Variants in KTN1 observed in about 807,000 individuals in gnomAD.
KTN1 encodes the protein kinectin.
KTN1 carries 130 observed loss-of-function variants against 222.5 expected under a neutral mutation model. That is an observed-to-expected ratio of 0.58 (90% confidence interval 0.51 to 0.68). The LOEUF (loss-of-function observed/expected upper bound fraction) is 0.68. KTN1 is among the 30% of genes least tolerant of loss of function. KTN1 has a pLI of 0.00. For missense variants in KTN1, 1,508 were observed against 1,500.4 expected (o/e 1.01, Z -0.08); for synonymous variants, 512 against 496.3 (o/e 1.03, Z -0.42).
chr14:55,675,729 CA>C (rs1468403190), intron 40 of KTN1, 105 bp from the exon 41 acceptor site: 13 of 712,552 alleles, frequency 1.8e-5, no homozygotes, highest in Non-Finnish European at 2.9e-5. Context: ...ATCCACTGTA[CA>C]TAATAACTGT....
chr14:55,673,775 A>G (rs773116767), intron 40 of KTN1: 2 of 152,196 alleles, frequency 1.3e-5, no homozygotes, highest in Admixed American at 6.6e-5. Flanking sequence ...TTATCAACAT[A>G]TTATTTAGAG....
chr14:55,608,686 C>T (rs140366689), intron 1 of KTN1, among the ~76,000 whole-genome samples: 126 of 149,994 alleles, frequency 8.4e-4, no homozygotes, highest in African/African-American at 2.6e-3. Flanking sequence ...TGCAGTGGCG[C>T]GATCTCAGCT....
In KTN1 at chr14:55,629,961, T is replaced by C. The variant is rs748705337; in HGVS notation, c.1085T>C (p.Met362Thr). 1.9e-6 allele frequency: 3 copies of C among 1,585,444 alleles called. No individual in the cohort carries two copies. The highest frequency in any genetic ancestry group is 2.6e-6 in the Non-Finnish European group (3 of 1,156,520). ...KDRCKQLTQE[M>T]MTEKERSNVV... ...ATTTCTGGGATATTCTTTTAGGAAA[T>C]GATGACAGAGAAAGAAAGAAGCAAT... Residue 362 changes from methionine to threonine, a missense_variant, in exon 7 of 44, where the codon ATG (methionine) becomes ACG (threonine). Physicochemically the swap from Met to Thr is moderately conservative, Grantham distance 81. Transcript: ENST00000395314.
At chr14:55,608,269 ATT>A (rs534623269) in intron 1 of KTN1, among the ~76,000 whole-genome samples, 6 of 152,178 alleles carry the variant, frequency 3.9e-5, no homozygotes, top group Non-Finnish European at 8.8e-5. Flanking sequence ...TAAAATGTGA[ATT>A]TGAGGTATAT....
intron 1 of KTN1, among the ~76,000 whole-genome samples, chr14:55,600,240 TATTA>T (rs773272061): frequency 2.6e-5 from 4 of 151,936 alleles, no homozygotes; most frequent in Non-Finnish European, 5.9e-5. Flanking sequence ...ATTAATATTT[TATTA>T]ATTAACCCAT....
At chr14:55,673,381 G>C in intron 40 of KTN1, 126 bp downstream of exon 40, 1 of 562,438 alleles carries the variant, frequency 1.8e-6, no homozygotes, top group South Asian at 2.9e-5. Flanking sequence ...GTAAGTCTAA[G>C]ATAATCTTCA....
intron 28 of KTN1, among the ~76,000 whole-genome samples, chr14:55,654,905 T>C (rs1157658701): frequency 6.6e-6 from 1 of 152,204 alleles, no homozygotes; most frequent in Admixed American, 6.5e-5. Context: ...ATGATCTTAC[T>C]GTCTTCAGAG....
At position 55,637,367 on chromosome 14, in the gene KTN1, A is replaced by AT. The variant is rs780248550; in HGVS notation, c.1716+9dup. 3.9e-6 allele frequency: 6 copies of AT among 1,533,824 alleles called. No individual in the cohort carries two copies. The highest frequency in any genetic ancestry group is 4.6e-5 in the East Asian group (2 of 43,642). On this transcript the variant is annotated splice_donor_region_variant and intron_variant, in intron 11 of 43. Transcript: ENST00000395314. Reference sequence around the variant, plus strand: ...AGTCTCTACAAATGCAGGTTCAGGTATTTTTTCTTCTTTTTTTTTTTTTAA... The same window carrying AT: ...AGTCTCTACAAATGCAGGTTCAGGTATTTTTTTCTTCTTTTTTTTTTTTTAA...
At chr14:55,667,105 A>G (rs1455444608) in intron 33 of KTN1, 136 bp from the exon 34 acceptor site, 3 of 571,664 alleles carry the variant, frequency 5.2e-6, no homozygotes, top group Non-Finnish European at 6.0e-6. Flanking sequence ...GGAAATTTTA[A>G]TATTTGTTAG....
chr14:55,640,111 A>G, intron 14 of KTN1, 108 bp downstream of exon 14: 3 of 752,858 alleles, frequency 4.0e-6, no homozygotes, highest in Non-Finnish European at 6.7e-6. Flanking sequence ...ATAGTCTAGA[A>G]TTCATTTGAA....
At position 55,679,705 on chromosome 14, in the gene KTN1, T is replaced by C; in HGVS notation, c.4069+20T>C. On this transcript the variant is annotated intron_variant, in intron 43 of 43. Coordinates refer to ENST00000395314, the MANE Select transcript of KTN1 (RefSeq NM_001079521.2). ...TGTTAGGTAAGGACAACTGAAATAT[T>C]GCTGTCTATGGGTAATTGATGTTAT... The C allele has an allele frequency of 1.2e-6, 2 of 1,610,986 alleles. No homozygotes were observed. Among genetic ancestry groups the C allele is most frequent in the Non-Finnish European group, 1.7e-6 (2 of 1,177,418 alleles).
At chr14:55,600,806 T>A (rs1048174585) in intron 1 of KTN1, among the ~76,000 whole-genome samples, 1 of 152,196 alleles carries the variant, frequency 6.6e-6, no homozygotes, top group Non-Finnish European at 1.5e-5. Context: ...AAAACTGATT[T>A]GAAAGACTAT....
At chr14:55,604,107 A>G (rs1384646010) in intron 1 of KTN1, among the ~76,000 whole-genome samples, 3 of 152,146 alleles carry the variant, frequency 2.0e-5, no homozygotes, top group Non-Finnish European at 4.4e-5. Context: ...GTTAGCCACA[A>G]TCCTTTTCCT....
rs147489526 is a variant in KTN1, at chr14:55,590,766, C to T, written c.-31+10412C>T. ...TCTTGGCTGACTGCAACCGCTGCCT[C>T]CTAGGTTCAAGCGATTTTCCTGCAT... On this transcript the variant is annotated intron_variant, in intron 1 of 43. Transcript: ENST00000395314. Among the ~76,000 whole-genome samples, 491 of 151,962 alleles carry T rather than the reference C, an allele frequency of 3.2e-3. 3 individuals are homozygous for T. The highest frequency in any genetic ancestry group is 7.8e-3 in the African/African-American group (325 of 41,434).
At chr14:55,611,559 A>G (rs2037578334) in intron 1 of KTN1, among the ~76,000 whole-genome samples, 1 of 151,786 alleles carries the variant, frequency 6.6e-6, no homozygotes, top group South Asian at 2.1e-4. Flanking sequence ...TAAATAAACC[A>G]CCTCTTTTTG....
At chr14:55,660,755 A>G (rs2141218812) in intron 31 of KTN1, among the ~76,000 whole-genome samples, 1 of 152,290 alleles carries the variant, frequency 6.6e-6, no homozygotes, top group African/African-American at 2.4e-5. Flanking sequence ...TCTGTTTTAT[A>G]CATGTGTATA....
In KTN1 at chr14:55,640,387, T is replaced by C. The variant is rs766659822; in HGVS notation, c.1928T>C (p.Met643Thr). 2 of 1,599,846 alleles carry C rather than the reference T, an allele frequency of 1.3e-6. No homozygotes were observed. The highest frequency in any genetic ancestry group is 4.5e-5 in the East Asian group (2 of 44,646). ...KEEELKDIQN[M>T]NFLLKAEVQK... is the part of the protein sequence containing the mutation. ...TCCTTGTTCTAGGATATACAGAATA[T>C]GAATTTCTTATTAAAAGCTGAAGTG... is the stretch of plus-strand genomic sequence containing the variant. The change falls in exon 15 of 44, where the codon ATG (methionine) becomes ACG (threonine). Residue 643 changes from methionine (M) to threonine (T), a missense_variant. Physicochemically the swap from Met to Thr is moderately conservative, Grantham distance 81. Coordinates refer to ENST00000395314, the MANE Select transcript of KTN1 (RefSeq NM_001079521.2).
intron 31 of KTN1, among the ~76,000 whole-genome samples, chr14:55,659,970 A>G (rs566239598): frequency 4.9e-4 from 75 of 152,168 alleles, no homozygotes; most frequent in Non-Finnish European, 8.4e-4. Flanking sequence ...GTTAAACTAT[A>G]CTTTGCAGGG....
chr14:55,589,324 C>T (rs1330671218), intron 1 of KTN1, among the ~76,000 whole-genome samples: 2 of 151,922 alleles, frequency 1.3e-5, no homozygotes, highest in African/African-American at 2.4e-5. Context: ...TTTGAAACGG[C>T]GTCTCGCTCT....
Sources: allele counts gnomAD v4.1 joint callset (sites outside exome capture counted in the v4.1 genomes callset), GRCh38; gene constraint gnomAD v4.1.1; transcripts MANE v1.5; gene names NCBI Gene and HGNC (gene_info 2026-07-23, HGNC 2026-07-21).